The following SLC6A16 variants were observed in gnomAD, a reference collection of about 807,000 sequenced individuals.
The protein encoded by SLC6A16 is solute carrier family 6 member 16.
A neutral mutation model predicts 65.4 loss-of-function variants in SLC6A16; 54 were observed. That is an observed-to-expected ratio of 0.83 (90% CI 0.66 to 1.04). The LOEUF is 1.04. Among genes scored for constraint, SLC6A16 ranks in the 50% least tolerant of loss-of-function variants. The pLI is 0.00. For synonymous variants in SLC6A16, 330 were observed against 346.5 expected (o/e 0.95, Z 0.53); for missense variants, 816 against 914.0 (o/e 0.89, Z 1.38).
In SLC6A16 at chr19:49,324,128, G is replaced by A. The variant is rs144401125; in HGVS notation, c.-65+920C>T. ...GTGGATCGGCTGAGGTCAGGAGCTC[G>A]AGACCAGCCAGGCCAACACAGTGAA... On this transcript the variant is annotated intron_variant, in intron 1 of 11. Coordinates refer to ENST00000335875, the MANE Select transcript of SLC6A16 (RefSeq NM_014037.3). Among the ~76,000 whole-genome samples the A allele has an allele frequency of 5.0e-3, 762 of 152,212 alleles. 5 individuals are homozygous for A. The highest frequency in any genetic ancestry group is 0.017 in the African/African-American group (713 of 41,526).
upstream of SLC6A16, among the ~76,000 whole-genome samples, chr19:49,326,741 G>A (rs558167073): frequency 5.3e-5 from 8 of 152,078 alleles, no homozygotes; most frequent in East Asian, 3.9e-4. Flanking sequence ...ATGACAGGCC[G>A]GGCATGGTGG....
At chr19:49,335,665 C>T in the SLC6A16 span, 3 of 1,610,732 alleles carry the variant, frequency 1.9e-6, no homozygotes, top group African/African-American at 4.0e-5. This position sits in a 1 kb window ranked among gnomAD's most constrained non-coding sequence, Gnocchi z 4.6. Flanking sequence ...TAACCCAGCC[C>T]TCATCTTCCC....
At chr19:49,331,329 T>C in the SLC6A16 span, among the ~76,000 whole-genome samples, 90 of 152,186 alleles carry the variant, frequency 5.9e-4, no homozygotes, top group Non-Finnish European at 1.0e-3. Flanking sequence ...TGTAGGTACA[T>C]ACCACAAAGC....
At chr19:49,308,687 C>A (rs1970442844) in intron 7 of SLC6A16, 189 bp downstream of exon 7, 3 of 678,054 alleles carry the variant, frequency 4.4e-6, no homozygotes, top group Admixed American at 5.1e-5. Context: ...ACAAAAGGCT[C>A]TGAGAAGGAT....
At chr19:49,299,529 T>C (rs540824382) in intron 7 of SLC6A16, among the ~76,000 whole-genome samples, 8 of 54,516 alleles carry the variant, frequency 1.5e-4, no homozygotes, top group African/African-American at 6.2e-4. Flanking sequence ...GAGGGAGGCT[T>C]GGTGTAAAAA....
At chr19:49,337,573 G>A in the SLC6A16 span, 32 of 1,228,572 alleles carry the variant, frequency 2.6e-5, no homozygotes, top group Non-Finnish European at 3.4e-5. Flanking sequence ...AGTGAGCCAT[G>A]CACTCAGCCT....
chr19:49,305,658 C>T (rs903698472), intron 7 of SLC6A16: 1 of 152,054 alleles, frequency 6.6e-6, no homozygotes, highest in African/African-American at 2.4e-5. Context: ...GCTCAGCCCC[C>T]AGCCAACCCT....
intron 1 of SLC6A16, among the ~76,000 whole-genome samples, chr19:49,319,790 C>T (rs10414921): frequency 0.24 from 36,917 of 151,920 alleles, 4,722 homozygotes; most frequent in South Asian, 0.4. Flanking sequence ...GGGACATTTT[C>T]CAGGAGAGAC....
At chr19:49,338,700 C>G in the SLC6A16 span, 4 of 1,608,402 alleles carry the variant, frequency 2.5e-6, no homozygotes, top group African/African-American at 2.7e-5. This position sits in a 1 kb window ranked among gnomAD's most constrained non-coding sequence, Gnocchi z 5.0. Context: ...CCTCTCCCAG[C>G]TGCGCTGCTG....
chr19:49,294,848 C>G (rs1330925999), intron 7 of SLC6A16, among the ~76,000 whole-genome samples: 1 of 152,112 alleles, frequency 6.6e-6, no homozygotes, highest in Non-Finnish European at 1.5e-5. Context: ...TGTCTACCTT[C>G]CCTCTCCACT....
chr19:49,306,647 A>T (rs957964074), intron 7 of SLC6A16, among the ~76,000 whole-genome samples: 2 of 151,532 alleles, frequency 1.3e-5, no homozygotes, highest in Non-Finnish European at 2.9e-5. Flanking sequence ...GGTTCAAGCA[A>T]TTCTCCTGCT....
chr19:49,299,997 C>CAAAA (rs889761825), intron 7 of SLC6A16, among the ~76,000 whole-genome samples: 7 of 48,860 alleles, frequency 1.4e-4, no homozygotes, highest in East Asian at 5.7e-4. Flanking sequence ...GACTCTGTCT[C>CAAAA]AAAAAAAAAA....
At chr19:49,331,588 G>A in the SLC6A16 span, 4 of 357,162 alleles carry the variant, frequency 1.1e-5, no homozygotes, top group African/African-American at 2.1e-5. Context: ...TAAAATCTTA[G>A]TAGCTTAATA....
rs1970774379 is a variant in SLC6A16 at position 49,324,930 on chromosome 19, G to A, written c.-65+118C>T. Reference sequence around the variant, plus strand: ...GCCCAGGGCAACCAGGAGGCTCCCAGCCAGTCACCTGTCACCCGTCAGTGG... The same window carrying A: ...GCCCAGGGCAACCAGGAGGCTCCCAACCAGTCACCTGTCACCCGTCAGTGG... On this transcript the variant is annotated intron_variant, in intron 1 of 11. Coordinates refer to ENST00000335875, the MANE Select transcript of SLC6A16 (RefSeq NM_014037.3). The A allele has an allele frequency of 8.8e-6, 5 of 568,054 alleles. No homozygotes were observed. In the South Asian group the frequency reaches 3.1e-4, roughly 35 times the overall value. 35.2% of individuals were successfully genotyped at this position (568,054 alleles called of 1,614,324 possible).
At chr19:49,310,657 T>C (rs1163619778) in intron 2 of SLC6A16, 147 bp from the exon 3 acceptor site, 1 of 882,282 alleles carries the variant, frequency 1.1e-6, no homozygotes, top group East Asian at 2.6e-5. Flanking sequence ...TCCCTCACGG[T>C]CCCAAGTGTC....
the SLC6A16 span, chr19:49,331,736 C>CT: frequency 2.2e-6 from 1 of 457,050 alleles, no homozygotes; most frequent in African/African-American, 2.0e-5. Flanking sequence ...TAGAAATGGG[C>CT]TGTGTCCCTT....
intron 1 of SLC6A16, among the ~76,000 whole-genome samples, chr19:49,311,676 C>T (rs1970525513): frequency 6.6e-6 from 1 of 151,606 alleles, no homozygotes; most frequent in African/African-American, 2.4e-5. Flanking sequence ...TGGTGAAACC[C>T]CGTCTCTACT....
At chr19:49,333,059 G>A in the SLC6A16 span, among the ~76,000 whole-genome samples, 2 of 151,986 alleles carry the variant, frequency 1.3e-5, no homozygotes, top group East Asian at 1.9e-4. Context: ...CTACTCTGGA[G>A]GCTGAGACAG....
intron 1 of SLC6A16, among the ~76,000 whole-genome samples, chr19:49,323,057 C>T (rs956136319): frequency 2.0e-5 from 3 of 151,602 alleles, no homozygotes; most frequent in African/African-American, 7.3e-5. Context: ...GAATAGAGGG[C>T]CCAGAAACAA....
Sources: gnomAD v4.1 joint callset for allele counts (sites outside exome capture counted in the v4.1 genomes callset) on GRCh38, gnomAD v4.1.1 for gene constraint, Gnocchi (gnomAD v3.1) non-coding constraint, MANE v1.5 for transcripts, NCBI Gene and HGNC (gene_info 2026-07-23, HGNC 2026-07-21) for gene names.